FTCDNL1: variants seen among roughly 807,000 people sequenced by gnomAD.
The protein encoded by FTCDNL1 is formiminotransferase cyclodeaminase N-terminal like, also known as formiminotransferase N-terminal subdomain-containing protein.
A neutral mutation model predicts 5.9 loss-of-function variants in FTCDNL1; 11 were observed. That is an observed-to-expected ratio of 1.87 (90% CI 1.18 to 3.10). The LOEUF (loss-of-function observed/expected upper bound fraction) is 3.10. Ranked by LOEUF, FTCDNL1 falls within the 30% of genes most tolerant of loss-of-function variation. FTCDNL1 has a pLI of 0.00. For missense variants in FTCDNL1, 115 were observed against 65.5 expected, an observed-to-expected ratio of 1.76 and a Z score of -2.61; for synonymous variants, 58 against 24.8, an observed-to-expected ratio of 2.34 and a Z score of -3.99.
At chr2:199,784,370 G>A (rs147416660) in intron 3 of FTCDNL1, among the ~76,000 whole-genome samples, 1 of 152,176 alleles carries the variant, frequency 6.6e-6, no homozygotes, top group Admixed American at 6.5e-5. Context: ...CACCAAGACT[G>A]TATGCCAGGG....
At chr2:199,776,910 G>GTGTA (rs1320066791) in intron 3 of FTCDNL1, among the ~76,000 whole-genome samples, 7 of 113,214 alleles carry the variant, frequency 6.2e-5, no homozygotes, top group Admixed American at 2.0e-4. Flanking sequence ...TGTAATATAT[G>GTGTA]TGTATGTATA....
intron 3 of FTCDNL1, among the ~76,000 whole-genome samples, chr2:199,802,323 C>T (rs1700500013): frequency 6.6e-6 from 1 of 152,066 alleles, no homozygotes; most frequent in South Asian, 2.1e-4. Context: ...AGTAGGAGCT[C>T]AATAAATATT....
the FTCDNL1 span, among the ~76,000 whole-genome samples, chr2:199,691,506 T>A: frequency 1.3e-5 from 2 of 152,224 alleles, no homozygotes; most frequent in African/African-American, 4.8e-5. Flanking sequence ...TAGGTAAATA[T>A]TTTCCTCCTA....
chr2:199,746,328 T>G, the FTCDNL1 span, among the ~76,000 whole-genome samples: 1 of 152,174 alleles, frequency 6.6e-6, no homozygotes, highest in African/African-American at 2.4e-5. Flanking sequence ...TAGAATAGGA[T>G]TTAATTCCAA....
At chr2:199,787,869 A>G (rs1208820312) in intron 3 of FTCDNL1, among the ~76,000 whole-genome samples, 1 of 152,214 alleles carries the variant, frequency 6.6e-6, no homozygotes, top group East Asian at 1.9e-4. Flanking sequence ...TATAAAATAC[A>G]TAAATGTATA....
At chr2:199,830,970 T>C (rs574973723) in intron 3 of FTCDNL1, among the ~76,000 whole-genome samples, 1 of 152,306 alleles carries the variant, frequency 6.6e-6, no homozygotes, top group South Asian at 2.1e-4. Context: ...TGTTGCCTGT[T>C]TTTTCTTGAG....
chr2:199,838,494 G>A (rs1046457657), intron 3 of FTCDNL1, among the ~76,000 whole-genome samples: 17 of 152,196 alleles, frequency 1.1e-4, no homozygotes, highest in African/African-American at 3.9e-4. Context: ...GAAATAAAGA[G>A]GAGGCAATCG....
chr2:199,780,714 C>T (rs1699322492), intron 3 of FTCDNL1, among the ~76,000 whole-genome samples: 1 of 152,176 alleles, frequency 6.6e-6, no homozygotes, highest in African/African-American at 2.4e-5. Context: ...ATGGCTGCTG[C>T]ACTTGTCTAT....
the FTCDNL1 span, among the ~76,000 whole-genome samples, chr2:199,738,702 C>T: frequency 6.6e-6 from 1 of 152,100 alleles, no homozygotes; most frequent in African/African-American, 2.4e-5. Flanking sequence ...TAAGAAAGCT[C>T]GTTTCAATAC....
the FTCDNL1 span, among the ~76,000 whole-genome samples, chr2:199,755,531 A>T: frequency 6.6e-6 from 1 of 152,228 alleles, no homozygotes; most frequent in Non-Finnish European, 1.5e-5. Context: ...CAGTTTTCTA[A>T]ATCAATAAAA....
chr2:199,795,160 C>T (rs1700110880), intron 3 of FTCDNL1, among the ~76,000 whole-genome samples: 1 of 152,194 alleles, frequency 6.6e-6, no homozygotes, highest in Non-Finnish European at 1.5e-5. Flanking sequence ...ACAAGGCACT[C>T]AATAAGTGGT....
chr2:199,683,942 T>G, the FTCDNL1 span, among the ~76,000 whole-genome samples: 1 of 152,346 alleles, frequency 6.6e-6, no homozygotes, highest in South Asian at 2.1e-4. Context: ...CGGCTGTCTG[T>G]TCTCTCTTGT....
the FTCDNL1 span, among the ~76,000 whole-genome samples, chr2:199,742,273 C>G: frequency 1.3e-5 from 2 of 152,062 alleles, no homozygotes; most frequent in Non-Finnish European, 2.9e-5. Context: ...AGACTTACAC[C>G]CTGCTCCTTC....
chr2:199,709,369 A>C, the FTCDNL1 span, among the ~76,000 whole-genome samples: 1 of 152,160 alleles, frequency 6.6e-6, no homozygotes, highest in East Asian at 1.9e-4. Flanking sequence ...AGCCAGTCCT[A>C]GCCAATAACA....
At chr2:199,671,243 A>C in the FTCDNL1 span, among the ~76,000 whole-genome samples, 1 of 152,104 alleles carries the variant, frequency 6.6e-6, no homozygotes, top group African/African-American at 2.4e-5. Context: ...ATGACCACAC[A>C]ACATGGAAAA....
At chr2:199,765,629 C>A (rs1698498892) in intron 3 of FTCDNL1, among the ~76,000 whole-genome samples, 1 of 141,794 alleles carries the variant, frequency 7.1e-6, no homozygotes, top group South Asian at 2.3e-4. Flanking sequence ...CTCACAGCAA[C>A]CTATCAGGTT....
At chr2:199,706,230 G>A in the FTCDNL1 span, among the ~76,000 whole-genome samples, 2 of 152,136 alleles carry the variant, frequency 1.3e-5, no homozygotes, top group Admixed American at 1.3e-4. Flanking sequence ...CCTTTGCTAT[G>A]TCATCTGGTA....
At chr2:199,780,698 T>C (rs571286073) in intron 3 of FTCDNL1, among the ~76,000 whole-genome samples, 1 of 152,260 alleles carries the variant, frequency 6.6e-6, no homozygotes, top group African/African-American at 2.4e-5. Flanking sequence ...AGCCCTAGCT[T>C]AGGGCATGGC....
At chr2:199,668,032 G>GTGA in the FTCDNL1 span, among the ~76,000 whole-genome samples, 1 of 152,180 alleles carries the variant, frequency 6.6e-6, no homozygotes, top group Non-Finnish European at 1.5e-5. Context: ...AGGAAGCAGT[G>GTGA]TGATGGTGCT....
Sources: gnomAD v4.1 joint callset for allele counts (sites outside exome capture counted in the v4.1 genomes callset) on GRCh38, gnomAD v4.1.1 for gene constraint, MANE v1.5 for transcripts, NCBI Gene and HGNC (gene_info 2026-07-23, HGNC 2026-07-21) for gene names.